FAT1: variants seen among roughly 807,000 people sequenced by gnomAD.
FAT1 encodes the protein FAT atypical cadherin 1, also known as protocadherin Fat 1.
Under a neutral mutation model 329.8 loss-of-function variants are expected in FAT1, and 171 were observed. The observed-to-expected ratio is 0.52, with a 90% CI of 0.46 to 0.59. FAT1 has a LOEUF of 0.59. FAT1 is among the 20% of genes least tolerant of loss of function. FAT1 has a pLI of 0.00. For missense variants in FAT1, 5,672 were observed against 5,774.4 expected (o/e 0.98, Z 0.57); for synonymous variants, 2,233 against 2,228.6 (o/e 1.00, Z -0.06).
At chr4:186,723,268 C>G (rs1745541113) in intron 1 of FAT1, among the ~76,000 whole-genome samples, 1 of 152,230 alleles carries the variant, frequency 6.6e-6, no homozygotes, top group African/African-American at 2.4e-5. Context: ...CCCAGGGACC[C>G]GGCAGCCCCG....
At position 186,708,356 on chromosome 4, in the gene FAT1, T is replaced by A. The variant is rs1744754753; in HGVS notation, c.1472A>T (p.Asp491Val). 1.2e-6 allele frequency: 2 copies of A among 1,613,758 alleles called. No homozygotes were observed. The highest frequency in any genetic ancestry group is 8.5e-7 in the Non-Finnish European group (1 of 1,179,834). Residue 491 changes from aspartate to valine, a missense_variant, in exon 2 of 27, where the codon GAT becomes GTT. Transcript: ENST00000441802. ...TGTCACGTACCCGTTCTCACCCTCA[T>A]CAGGGTCTACGGCACTCAGGCTCAT... ...TVMSLSAVDP[D>V]EGENGYVTYS...
Position 186,617,867 on chromosome 4 carries a change from T to C in FAT1, c.8719A>G (p.Thr2907Ala). ...GGACTATCGTTGACATCGGTGACGG[T>C]AACATCCACAATGGCTGTGGAGGAT... ...QLSSTAIVDVTVTDVNDSPPR... is the reference protein window; with the variant it reads ...QLSSTAIVDVAVTDVNDSPPR... The change falls in exon 10 of 27, where the codon ACC becomes GCC. Residue 2907 changes from threonine to alanine, a missense_variant. Physicochemically the swap from Thr to Ala is moderately conservative, Grantham distance 58. This residue lies in a region of FAT1 where 3,966 missense variants were observed against 3,915.2 expected (regional missense o/e 1.01). Coordinates refer to ENST00000441802, the MANE Select transcript of FAT1 (RefSeq NM_005245.4). 7 of 1,614,016 alleles carry C rather than the reference T, an allele frequency of 4.3e-6. No individual in the cohort carries two copies. The highest frequency in any genetic ancestry group is 5.9e-6 in the Non-Finnish European group (7 of 1,179,898).
At chr4:186,686,272 G>C (rs1014627206) in intron 2 of FAT1, among the ~76,000 whole-genome samples, 2 of 143,558 alleles carry the variant, frequency 1.4e-5, no homozygotes, top group African/African-American at 5.1e-5. Flanking sequence ...AACATGTAGC[G>C]ATTTTTTTCC....
In FAT1 at chr4:186,588,424, G is replaced by C; in HGVS notation, c.*168C>G. The C allele has an allele frequency of 1.3e-6, 1 of 741,456 alleles. No individual in the cohort carries two copies. 45.9% of individuals were successfully genotyped at this position (741,456 alleles called of 1,614,324 possible). ...CGATGAAAACCTCACGATGACAGTA[G>C]TTGGGACACTGGAAATGGCTAGCAC... is the stretch of plus-strand genomic sequence containing the variant. On this transcript the variant is annotated 3_prime_UTR_variant, in exon 27 of 27. Coordinates refer to ENST00000441802, the MANE Select transcript of FAT1 (RefSeq NM_005245.4).
intron 1 of FAT1, among the ~76,000 whole-genome samples, chr4:186,721,611 A>T (rs1205520766): frequency 1.3e-5 from 2 of 152,268 alleles, no homozygotes; most frequent in African/African-American, 4.8e-5. Flanking sequence ...ATCTAATGCA[A>T]TAATAATGTA....
At chr4:186,640,954 C>T (rs1741063495) in intron 3 of FAT1, among the ~76,000 whole-genome samples, 1 of 152,186 alleles carries the variant, frequency 6.6e-6, no homozygotes, top group African/African-American at 2.4e-5. Flanking sequence ...GTTCTCCTCC[C>T]AGTGCTGCGG....
In FAT1 at chr4:186,620,353, G is replaced by C. The variant is rs758885671; in HGVS notation, c.6233C>G (p.Ala2078Gly). The stretch of plus-strand genomic sequence containing the variant: ...GTAGGGAAGGTTGACAAACACCGGC[G>C]CATTATCATTTTGGTCTTCTACAAT... ...KVIVEDQNDN[A>G]PVFVNLPYYA... The change falls in exon 10 of 27, where the codon GCG becomes GGG. Residue 2078 changes from alanine (A) to glycine (G), a missense_variant. By Grantham distance (60) the Ala-to-Gly change is moderately conservative. Transcript: ENST00000441802. 3 of 1,613,862 alleles carry C rather than the reference G, an allele frequency of 1.9e-6. No individual in the cohort carries two copies. Among genetic ancestry groups the C allele is most frequent in the Non-Finnish European group, 2.5e-6 (3 of 1,179,898 alleles).
upstream of FAT1, among the ~76,000 whole-genome samples, chr4:186,725,434 GAGA>G (rs1303217433): frequency 1.3e-5 from 2 of 151,812 alleles, no homozygotes; most frequent in Non-Finnish European, 2.9e-5. The surrounding 1 kb of genome is among the most constrained non-coding windows in gnomAD (Gnocchi z 5.4). Flanking sequence ...AGAATTCCTG[GAGA>G]AGATTACCAT....
rs1441348851 is a variant in FAT1 at position 186,619,733 on chromosome 4, G to A, written c.6853C>T (p.Gln2285Ter). The part of the protein sequence containing the change: ...DINDNPPVFA[Q>*]QSYAVTLSEA... The stretch of plus-strand genomic sequence containing the variant: ...GACAGGGTCACCGCATAAGACTGCT[G>A]AGCAAACACAGGAGGGTTATCATTG... Residue 2285 changes from glutamine to a stop codon, truncating the protein, a stop_gained, in exon 10 of 27, where the codon CAG becomes TAG. Coordinates refer to ENST00000441802, the MANE Select transcript of FAT1 (RefSeq NM_005245.4). LOFTEE classifies it high-confidence loss of function. The A allele has an allele frequency of 6.2e-7, 1 of 1,614,006 alleles. No homozygotes were observed. Among genetic ancestry groups the A allele is most frequent in the Non-Finnish European group, 8.5e-7 (1 of 1,179,894 alleles).
intron 26 of FAT1, among the ~76,000 whole-genome samples, chr4:186,595,190 A>G (rs1242964014): frequency 6.6e-6 from 1 of 152,112 alleles, no homozygotes; most frequent in Non-Finnish European, 1.5e-5. Flanking sequence ...TCCAAATGGG[A>G]GCTGGGGCCG....
intron 14 of FAT1, among the ~76,000 whole-genome samples, chr4:186,610,615 TA>T (rs1342896984): frequency 3.1e-5 from 4 of 127,338 alleles, no homozygotes; most frequent in African/African-American, 9.7e-5. Context: ...TTATATAAAT[TA>T]TATAAATATA....
At chr4:186,711,849 G>A (rs1438050910) in intron 1 of FAT1, among the ~76,000 whole-genome samples, 3 of 152,166 alleles carry the variant, frequency 2.0e-5, no homozygotes, top group African/African-American at 7.2e-5. Flanking sequence ...GAACCCGGGA[G>A]GCAGAGATTG....
At chr4:186,630,733 G>A (rs1740544272) in intron 7 of FAT1, among the ~76,000 whole-genome samples, 1 of 152,282 alleles carries the variant, frequency 6.6e-6, no homozygotes, top group South Asian at 2.1e-4. Flanking sequence ...CTTTGTAGAT[G>A]AGAACATGGA....
rs565098767 is a variant in FAT1 at position 186,631,972 on chromosome 4, C to T, written c.4323+1712G>A. Among the ~76,000 whole-genome samples the T allele has an allele frequency of 8.6e-5, 13 of 151,700 alleles. No individual in the cohort carries two copies. In the South Asian group the frequency reaches 1.5e-3, roughly 17 times the overall value. On this transcript the variant is annotated intron_variant, in intron 7 of 26. Transcript: ENST00000441802. Reference sequence around the variant, plus strand: ...AACACAAATCATTCCCTTTGTCCCACACCTTAACAGGTCAACCTGGGCTAC... The same window carrying T: ...AACACAAATCATTCCCTTTGTCCCATACCTTAACAGGTCAACCTGGGCTAC...
In FAT1 at chr4:186,628,156, G is replaced by C. The variant is rs2126541493; in HGVS notation, c.4808C>G (p.Ser1603Ter). 3 of 1,613,384 alleles carry C rather than the reference G, an allele frequency of 1.9e-6. No homozygotes were observed. The highest frequency in any genetic ancestry group is 2.5e-6 in the Non-Finnish European group (3 of 1,179,680). ...GCCACTGAAGGCTCCAAAAGTACCT[G>C]ACTCGATCGAGTACAGCACTTCAGC... ...KNAEVLYSIE[S>*]GNIGNSFMID... Residue 1603 changes from serine (S) to a stop codon, truncating the protein, a stop_gained and splice_region_variant, in exon 9 of 27, where the codon TCA (serine) becomes TGA (stop). Transcript: ENST00000441802. LOFTEE classifies it high-confidence loss of function.
intron 2 of FAT1, among the ~76,000 whole-genome samples, chr4:186,704,460 C>A (rs1257503905): frequency 6.6e-6 from 1 of 152,026 alleles, no homozygotes; most frequent in African/African-American, 2.4e-5. Context: ...CTCTTCTTCA[C>A]TTGAAAGAAA....
At chr4:186,642,018 C>A (rs957126141) in intron 3 of FAT1, among the ~76,000 whole-genome samples, 21 of 145,142 alleles carry the variant, frequency 1.4e-4, no homozygotes, top group South Asian at 2.2e-4. Flanking sequence ...AAAAAAAAAA[C>A]AAAATCCACA....
intron 2 of FAT1, among the ~76,000 whole-genome samples, chr4:186,697,143 T>C (rs569045593): frequency 1.3e-5 from 2 of 152,164 alleles, no homozygotes; most frequent in Non-Finnish European, 2.9e-5. Flanking sequence ...ATACTAGTGG[T>C]GTGGCATTAA....
chr4:186,645,964 T>TACAC (rs1253098451), intron 3 of FAT1, among the ~76,000 whole-genome samples: 6 of 22,706 alleles, frequency 2.6e-4, no homozygotes, highest in Non-Finnish European at 6.3e-4. Flanking sequence ...AAAAAAAAAA[T>TACAC]ATATACACAC....
Sources: allele counts gnomAD v4.1 joint callset (sites outside exome capture counted in the v4.1 genomes callset), GRCh38; gene constraint gnomAD v4.1.1; regional missense constraint gnomAD v4.1.1; non-coding constraint Gnocchi (gnomAD v3.1); transcripts MANE v1.5; gene names NCBI Gene and HGNC (gene_info 2026-07-23, HGNC 2026-07-21).